CDH20: variants seen among roughly 807,000 people sequenced by gnomAD.
The protein encoded by CDH20 is cadherin 20.
In CDH20, 29 loss-of-function variants were observed where a neutral mutation model predicts 74.2. The observed-to-expected ratio is 0.39, with a 90% CI of 0.29 to 0.53. The LOEUF is 0.53. Ranked by LOEUF, CDH20 falls within the 20% of genes least tolerant of loss-of-function variation. The probability of loss-of-function intolerance (pLI) is 0.69; values close to 1 mark genes in which losing one functional copy is unlikely to be tolerated. For missense variants in CDH20, 988 were observed against 1,048.3 expected, an observed-to-expected ratio of 0.94 and a Z score of 0.79; for synonymous variants, 469 against 405.4, an observed-to-expected ratio of 1.16 and a Z score of -1.88.
intron 6 of CDH20, among the ~76,000 whole-genome samples, chr18:61,521,303 GC>G (rs1485797031): frequency 6.6e-6 from 1 of 151,322 alleles, no homozygotes; most frequent in Non-Finnish European, 1.5e-5. Context: ...ACACTTCTAT[GC>G]AAATAAACTA....
intron 1 of CDH20, among the ~76,000 whole-genome samples, chr18:61,479,663 T>G (rs541893041): frequency 2.7e-3 from 51 of 18,692 alleles, no homozygotes; most frequent in African/African-American, 4.3e-3. Flanking sequence ...TGTGTCACTA[T>G]TTTTCCCCCC....
At chr18:61,483,525 C>A (rs1037394038) in intron 1 of CDH20, among the ~76,000 whole-genome samples, 1 of 152,118 alleles carries the variant, frequency 6.6e-6, no homozygotes, top group Non-Finnish European at 1.5e-5. Context: ...ATGTCATTAC[C>A]TCTGCTGTTA....
intron 6 of CDH20, among the ~76,000 whole-genome samples, chr18:61,516,146 A>C (rs1911995522): frequency 6.6e-6 from 1 of 152,350 alleles, no homozygotes; most frequent in South Asian, 2.1e-4. Flanking sequence ...GCTATTTCTA[A>C]AATATCAAAA....
chr18:61,444,040 G>A (rs1342283901), intron 1 of CDH20, among the ~76,000 whole-genome samples: 1 of 151,988 alleles, frequency 6.6e-6, no homozygotes, highest in African/African-American at 2.4e-5. Flanking sequence ...CCCAATACCT[G>A]GACTCTCTCA....
chr18:61,432,378 T>C lies in CDH20; in HGVS notation c.-152-58024T>C, dbSNP rs114414071. On this transcript the variant is annotated intron_variant, in intron 1 of 11. Coordinates refer to ENST00000262717, the MANE Select transcript of CDH20 (RefSeq NM_031891.4). ...CAGCACCCCAGCTGCTGCTTCTTAC[T>C]CCGTCCCCATCCACAACTGGTGCCC... Among the ~76,000 whole-genome samples, 411 of 152,022 alleles carry C rather than the reference T, an allele frequency of 2.7e-3. 1 individual carries two copies. Among genetic ancestry groups the C allele is most frequent in the African/African-American group, 9.4e-3 (391 of 41,490 alleles).
chr18:61,447,390 T>A (rs2144330355), intron 1 of CDH20, among the ~76,000 whole-genome samples: 1 of 152,266 alleles, frequency 6.6e-6, no homozygotes, highest in East Asian at 1.9e-4. Flanking sequence ...ACGTTAAGTA[T>A]GGTTATGCGG....
chr18:61,539,559 A>G (rs1912952607), intron 9 of CDH20, among the ~76,000 whole-genome samples: 1 of 152,220 alleles, frequency 6.6e-6, no homozygotes, highest in South Asian at 2.1e-4. Context: ...CCACCTGGAA[A>G]CTGAATTGTG....
intron 1 of CDH20, among the ~76,000 whole-genome samples, chr18:61,383,618 G>A (rs916566937): frequency 1.3e-5 from 2 of 152,082 alleles, no homozygotes; most frequent in Admixed American, 1.3e-4. Context: ...TCTAATGAAG[G>A]TCTGGTGCTG....
At chr18:61,434,120 T>C (rs1187299669) in intron 1 of CDH20, among the ~76,000 whole-genome samples, 1 of 152,180 alleles carries the variant, frequency 6.6e-6, no homozygotes, top group East Asian at 1.9e-4. Context: ...TGTGTGTTTC[T>C]AGATGTATTT....
intron 1 of CDH20, among the ~76,000 whole-genome samples, chr18:61,388,815 G>A (rs1469528270): frequency 6.6e-6 from 1 of 152,062 alleles, no homozygotes; most frequent in East Asian, 1.9e-4. Context: ...AAAAGGACTG[G>A]GGCTTTCATC....
chr18:61,387,593 G>A (rs1173449698), intron 1 of CDH20, among the ~76,000 whole-genome samples: 1 of 152,162 alleles, frequency 6.6e-6, no homozygotes, highest in African/African-American at 2.4e-5. Context: ...AGAGTCAAGT[G>A]CCTTCATGAA....
chr18:61,425,203 G>T (rs958140848), intron 1 of CDH20, among the ~76,000 whole-genome samples: 1 of 152,188 alleles, frequency 6.6e-6, no homozygotes. Context: ...GTCCTAGAGA[G>T]GCTTATGTCA....
intron 1 of CDH20, among the ~76,000 whole-genome samples, chr18:61,445,129 G>C (rs1599090241): frequency 6.6e-6 from 1 of 151,926 alleles, no homozygotes; most frequent in African/African-American, 2.4e-5. Context: ...TTTCTAGTCT[G>C]CCCTACTCCT....
Position 61,491,059 on chromosome 18 carries a change from C to A in CDH20, c.246+260C>A, listed in dbSNP as rs35104767. On this transcript the variant is annotated intron_variant, in intron 2 of 11. Transcript: ENST00000262717. ...TTTGGAGGAAAAGGCTCAGACCCTG[C>A]AAGAGCTATTCAAGTCCTAAAAGAG... Among the ~76,000 whole-genome samples the A allele has an allele frequency of 5.2e-3, 786 of 152,234 alleles. 4 individuals carry two copies. The highest frequency in any genetic ancestry group is 0.014 in the Middle Eastern group (4 of 294).
intron 1 of CDH20, among the ~76,000 whole-genome samples, chr18:61,401,118 A>G (rs540299341): frequency 2.0e-5 from 3 of 152,212 alleles, no homozygotes; most frequent in Non-Finnish European, 2.9e-5. Flanking sequence ...AGAGGACACT[A>G]TCTTGGAATG....
intron 1 of CDH20, among the ~76,000 whole-genome samples, chr18:61,355,979 T>G (rs1157854704): frequency 6.6e-6 from 1 of 152,178 alleles, no homozygotes; most frequent in Non-Finnish European, 1.5e-5. Context: ...CTTAGTCAAG[T>G]CTCTCTTAAT....
At chr18:61,376,143 T>C (rs956010603) in intron 1 of CDH20, among the ~76,000 whole-genome samples, 3 of 152,106 alleles carry the variant, frequency 2.0e-5, no homozygotes, top group African/African-American at 7.2e-5. Context: ...CCCCTAGTAG[T>C]CTAGTGACTA....
At chr18:61,545,462 C>T (rs1289166364) in intron 10 of CDH20, among the ~76,000 whole-genome samples, 1 of 151,964 alleles carries the variant, frequency 6.6e-6, no homozygotes, top group Non-Finnish European at 1.5e-5. Flanking sequence ...GAACCCTTTG[C>T]CAACTCTAAA....
At chr18:61,428,374 A>G (rs1321056790) in intron 1 of CDH20, among the ~76,000 whole-genome samples, 1 of 152,142 alleles carries the variant, frequency 6.6e-6, no homozygotes, top group Non-Finnish European at 1.5e-5. Flanking sequence ...CTCCATAATG[A>G]ATGTTTTTTG....
Sources: gnomAD v4.1 joint callset for allele counts (sites outside exome capture counted in the v4.1 genomes callset) on GRCh38, gnomAD v4.1.1 for gene constraint, MANE v1.5 for transcripts, NCBI Gene and HGNC (gene_info 2026-07-23, HGNC 2026-07-21) for gene names.